MCFD2: variants seen among roughly 807,000 people sequenced by gnomAD.
The protein encoded by MCFD2 is multiple coagulation factor deficiency protein 2.
Under a neutral mutation model 12.8 loss-of-function variants are expected in MCFD2, and 11 were observed. That is an observed-to-expected ratio of 0.86 (90% CI 0.54 to 1.42). The LOEUF (loss-of-function observed/expected upper bound fraction) is 1.42. Ranked by LOEUF, MCFD2 falls within the 40% of genes most tolerant of loss-of-function variation. The pLI is 0.00. For missense variants in MCFD2, 191 were observed against 178.6 expected, an observed-to-expected ratio of 1.07 and a Z score of -0.40; for synonymous variants, 70 against 68.1, an observed-to-expected ratio of 1.03 and a Z score of -0.14.
At position 46,911,457 on chromosome 2, in the gene MCFD2, A is replaced by C. The variant is rs114208776; in HGVS notation, c.-6-2280T>G. On this transcript the variant is annotated intron_variant, in intron 1 of 3. Coordinates refer to ENST00000319466, the MANE Select transcript of MCFD2 (RefSeq NM_139279.6). ...CAGACCTTTTATATCTGTAGTTTAA[A>C]AAAAAAAAAAAGCAATATGTCATAC... Among the ~76,000 whole-genome samples, 1,462 of 150,918 alleles carry C rather than the reference A, an allele frequency of 9.7e-3. 28 individuals are homozygous for C. Among genetic ancestry groups the C allele is most frequent in the African/African-American group, 0.033 (1,368 of 41,334 alleles).
At chr2:46,927,743 A>C (rs1669464732) in intron 1 of MCFD2, among the ~76,000 whole-genome samples, 1 of 152,084 alleles carries the variant, frequency 6.6e-6, no homozygotes, top group Non-Finnish European at 1.5e-5. Context: ...GTATATCTTC[A>C]AAGTGCAAAA....
intron 1 of MCFD2, among the ~76,000 whole-genome samples, chr2:46,932,619 G>A (rs1466413529): frequency 6.6e-6 from 1 of 152,098 alleles, no homozygotes; most frequent in Non-Finnish European, 1.5e-5. Flanking sequence ...AGCAGGTGGA[G>A]GCCAGGTGCA....
In MCFD2 at chr2:46,908,497, C is replaced by G. The variant is rs1294805165; in HGVS notation, c.149+526G>C. ...TAGGCTGGTCTCGAATTCCTGGGCT[C>G]AAGTAATCCACCTGCCTCAGCCTCC... On this transcript the variant is annotated intron_variant, in intron 2 of 3. Transcript: ENST00000319466. This position sits in a 1 kb window ranked among gnomAD's most constrained non-coding sequence, Gnocchi z 4.5. The G allele has an allele frequency of 1.2e-5, 3 of 255,704 alleles. No homozygotes were observed. The East Asian group carries it at 3.2e-4, about 28-fold the overall frequency. 15.8% of individuals were successfully genotyped at this position (255,704 alleles called of 1,614,324 possible).
chr2:46,908,851 A>G lies in MCFD2; in HGVS notation c.149+172T>C. ...TCTTCCACCTGTGATACAATGATGA[A>G]AAAAGAATACCTGACTTATAGGTGG... On this transcript the variant is annotated intron_variant, in intron 2 of 3. Transcript: ENST00000319466. This position sits in a 1 kb window ranked among gnomAD's most constrained non-coding sequence, Gnocchi z 4.5. 3 of 857,768 alleles carry G rather than the reference A, an allele frequency of 3.5e-6. No homozygotes were observed. In the South Asian group the frequency reaches 4.6e-5, roughly 13 times the overall value. 53.1% of individuals were successfully genotyped at this position (857,768 alleles called of 1,614,324 possible).
upstream of MCFD2, among the ~76,000 whole-genome samples, chr2:46,918,780 C>A (rs1668949328): frequency 6.6e-6 from 1 of 152,112 alleles, no homozygotes; most frequent in African/African-American, 2.4e-5. Flanking sequence ...TGAGTGTTGC[C>A]TTTTTTAGTA....
chr2:46,930,836 A>T (rs13391660), intron 1 of MCFD2, among the ~76,000 whole-genome samples: 8,660 of 152,178 alleles, frequency 0.057, 299 homozygotes, highest in African/African-American at 0.089. Context: ...CCAATCAGTA[A>T]TTTTTAAACC....
Position 46,905,336 on chromosome 2 carries a change from A to T in MCFD2, c.*127T>A. ...ATCTCTTCTCACCCCAGTGTAACGA[A>T]TCGCTACAGGTTTTTACCAAAATGC... is the stretch of plus-strand genomic sequence containing the variant. On this transcript the variant is annotated 3_prime_UTR_variant, in exon 4 of 4. Transcript: ENST00000319466. 1.0e-6 allele frequency: 1 copy of T among 1,003,298 alleles called. No homozygotes were observed. Among genetic ancestry groups the T allele is most frequent in the South Asian group, 1.3e-5 (1 of 77,602 alleles). 62.1% of individuals were successfully genotyped at this position (1,003,298 alleles called of 1,614,324 possible). A position where few individuals can be genotyped will look rare whatever the true frequency, so the allele number is the denominator to read the frequency against.
chr2:46,923,109 G>A (rs1389653534), intron 1 of MCFD2, among the ~76,000 whole-genome samples: 1 of 152,212 alleles, frequency 6.6e-6, no homozygotes, highest in Admixed American at 6.5e-5. Context: ...CCACCCTCCT[G>A]GCCTGTGGAT....
chr2:46,905,810 G>C (rs1668202116), intron 3 of MCFD2: 1 of 630,666 alleles, frequency 1.6e-6, no homozygotes, highest in Non-Finnish European at 2.9e-6. Flanking sequence ...TATATAGAGA[G>C]AGAATATGTA....
intron 1 of MCFD2, among the ~76,000 whole-genome samples, chr2:46,922,813 A>G (rs1249481031): frequency 6.6e-6 from 1 of 152,140 alleles, no homozygotes; most frequent in Non-Finnish European, 1.5e-5. Flanking sequence ...CTCCAATTCA[A>G]TTCAATTCTG....
At chr2:46,906,247 C>A (rs1257059625) in intron 3 of MCFD2, among the ~76,000 whole-genome samples, 2 of 152,122 alleles carry the variant, frequency 1.3e-5, no homozygotes, top group African/African-American at 2.4e-5. Context: ...CTCCGCCTAA[C>A]ACTAGTCTCT....
At chr2:46,915,429 G>C (rs2103775298) in intron 1 of MCFD2, among the ~76,000 whole-genome samples, 1 of 152,252 alleles carries the variant, frequency 6.6e-6, no homozygotes, top group East Asian at 1.9e-4. Context: ...GCCAGGAGCA[G>C]TGTCCACCCG....
chr2:46,911,284 C>A (rs1668474981), intron 1 of MCFD2, among the ~76,000 whole-genome samples: 1 of 151,808 alleles, frequency 6.6e-6, no homozygotes, highest in African/African-American at 2.4e-5. Context: ...CATGTCACCA[C>A]GTCCAGCTAA....
At chr2:46,910,075 C>T (rs1668422622) in intron 1 of MCFD2, among the ~76,000 whole-genome samples, 1 of 152,156 alleles carries the variant, frequency 6.6e-6, no homozygotes, top group South Asian at 2.1e-4. Flanking sequence ...CAAGTAACTA[C>T]AGTGAGCGGG....
At chr2:46,916,182 G>C, upstream of MCFD2, 1 of 984,188 alleles carries the variant, frequency 1.0e-6, no homozygotes, top group Non-Finnish European at 1.2e-6. Context: ...CTTGGTTCAG[G>C]TCTCTTGGTT....
At position 46,941,126 on chromosome 2, in the gene MCFD2, AGCCCG is replaced by A. The variant is rs1477364334; in HGVS notation, c.-8+441_-8+445del. On this transcript the variant is annotated intron_variant, in intron 1 of 2. Transcript: ENST00000409147. This position sits in a 1 kb window ranked among gnomAD's most constrained non-coding sequence, Gnocchi z 4.2. ...GCTGTGGCCGCGCTGGCAGCCAGCG[AGCCCG>A]GCTCGCCGAGGCCTCCCCACGCCCC... is the stretch of plus-strand genomic sequence containing the variant. The A allele has an allele frequency of 6.8e-6, 1 of 146,956 alleles. No homozygotes were observed. The highest frequency in any genetic ancestry group is 1.5e-5 in the Non-Finnish European group (1 of 65,896). 9.1% of individuals were successfully genotyped at this position (146,956 alleles called of 1,614,324 possible).
chr2:46,941,453 C>T lies in MCFD2; in HGVS notation c.-8+119G>A. The T allele has an allele frequency of 1.4e-6, 2 of 1,411,422 alleles. No individual in the cohort carries two copies. The highest frequency in any genetic ancestry group is 1.9e-6 in the Non-Finnish European group (2 of 1,068,828). 87.4% of individuals were successfully genotyped at this position (1,411,422 alleles called of 1,614,324 possible). ...GCTGCCGTCTGCGCCCCCGTCGACC[C>T]CGCCCGCGAGTGCGCCCCAGCCAGG... is the stretch of plus-strand genomic sequence containing the variant. On this transcript the variant is annotated intron_variant, in intron 1 of 2. Coordinates refer to the MCFD2 transcript ENST00000409147. The surrounding 1 kb of genome is among the most constrained non-coding windows in gnomAD (Gnocchi z 4.2).
chr2:46,906,475 ATTTTTTTTTTTTTTT>A (rs70940646), intron 3 of MCFD2, among the ~76,000 whole-genome samples: 9 of 91,702 alleles, frequency 9.8e-5, no homozygotes, highest in African/African-American at 1.4e-4. Flanking sequence ...AGGCACGAGG[ATTTTTTTTTTTTTTT>A]TTTTTTTTTT....
At chr2:46,919,488 G>A (rs139757801), upstream of MCFD2, among the ~76,000 whole-genome samples, 1,122 of 152,346 alleles carry the variant, frequency 7.4e-3, 4 homozygotes, top group Middle Eastern at 0.017. Flanking sequence ...AGCTGAGATC[G>A]CACCATTGCT....
Sources: gnomAD v4.1 joint callset for allele counts (sites outside exome capture counted in the v4.1 genomes callset) on GRCh38, gnomAD v4.1.1 for gene constraint, Gnocchi (gnomAD v3.1) non-coding constraint, MANE v1.5 for transcripts, NCBI Gene and HGNC (gene_info 2026-07-23, HGNC 2026-07-21) for gene names.